C10orf90: variants seen among roughly 807,000 people sequenced by gnomAD.
The protein encoded by C10orf90 is chromosome 10 open reading frame 90, also known as (E2-independent) E3 ubiquitin-conjugating enzyme FATS.
In C10orf90, 56 loss-of-function variants were observed where a neutral mutation model predicts 62.5. That is an observed-to-expected ratio of 0.90 (90% CI 0.72 to 1.12). C10orf90 has a LOEUF of 1.12. Ranked by LOEUF, C10orf90 falls within the 50% of genes most tolerant of loss-of-function variation. The pLI, the probability that C10orf90 is intolerant of heterozygous loss-of-function variation, is 0.00. For missense variants in C10orf90, 970 were observed against 880.4 expected (o/e 1.10, Z -1.29); for synonymous variants, 386 against 340.4 (o/e 1.13, Z -1.47).
Position 126,504,190 on chromosome 10 carries a change from G to A in C10orf90, c.1301C>T (p.Pro434Leu), listed in dbSNP as rs1862570554. Residue 434 changes from proline to leucine, a missense_variant, in exon 4 of 10, where the codon CCA (proline) becomes CTA (leucine). Coordinates refer to ENST00000488181, the MANE Select transcript of C10orf90 (RefSeq NM_001350921.2). This position sits in a 1 kb window ranked among gnomAD's most constrained non-coding sequence, Gnocchi z 4.1. Reference sequence around the variant, plus strand: ...CTTCAAGTGACTTTCTTGTAAACCTGGGTTCCAGCGCTGGCCTACGAGGTC... The same window carrying A: ...CTTCAAGTGACTTTCTTGTAAACCTAGGTTCCAGCGCTGGCCTACGAGGTC... ...DQDLVGQRWNPGLQESHLKET... is the reference protein window; with the variant it reads ...DQDLVGQRWNLGLQESHLKET... 1.2e-6 allele frequency: 2 copies of A among 1,614,108 alleles called. No homozygotes were observed. The highest frequency in any genetic ancestry group is 3.3e-5 in the Admixed American group (2 of 60,014).
chr10:126,459,917 A>G (rs551685022), intron 6 of C10orf90, among the ~76,000 whole-genome samples: 36 of 152,314 alleles, frequency 2.4e-4, no homozygotes, highest in African/African-American at 7.5e-4. Flanking sequence ...TAGGTGCTTG[A>G]TGTGTATTCA....
intron 4 of C10orf90, among the ~76,000 whole-genome samples, chr10:126,496,993 C>A (rs998798667): frequency 5.9e-5 from 9 of 152,226 alleles, no homozygotes; most frequent in Non-Finnish European, 1.5e-5. Context: ...TATTAAAAGG[C>A]TGCTACCTGC....
intron 4 of C10orf90, chr10:126,496,527 T>C (rs1862064202): frequency 1.7e-5 from 6 of 343,532 alleles, no homozygotes; most frequent in Non-Finnish European, 2.5e-5. Context: ...AGTTGTTCCT[T>C]GACAATACTT....
intron 2 of C10orf90, among the ~76,000 whole-genome samples, chr10:126,583,190 AG>A (rs1340469080): frequency 2.0e-5 from 3 of 152,266 alleles, no homozygotes; most frequent in African/African-American, 7.2e-5. Flanking sequence ...TAGAAACAAT[AG>A]GCCACTTTGC....
chr10:126,431,442 C>T (rs568992215), intron 7 of C10orf90, among the ~76,000 whole-genome samples: 14 of 152,306 alleles, frequency 9.2e-5, no homozygotes, highest in South Asian at 2.1e-4. Context: ...CAGTATCCAG[C>T]GGTCCCTGCT....
chr10:126,524,735 C>G (rs902884761), intron 2 of C10orf90: 3 of 985,390 alleles, frequency 3.0e-6, no homozygotes, highest in African/African-American at 1.7e-5. Context: ...GTGCACGCAC[C>G]TGTATGGCCC....
chr10:126,536,351 G>A (rs1380434148), intron 2 of C10orf90, among the ~76,000 whole-genome samples: 3 of 152,186 alleles, frequency 2.0e-5, no homozygotes, highest in African/African-American at 7.2e-5. Context: ...GCAATTAGCT[G>A]GAGCTTGGCG....
intron 1 of C10orf90, among the ~76,000 whole-genome samples, chr10:126,661,293 T>C (rs1281133748): frequency 6.6e-6 from 1 of 152,214 alleles, no homozygotes; most frequent in Admixed American, 6.5e-5. Context: ...ACAGCCTCCA[T>C]GCCAATTCCA....
At chr10:126,460,418 C>T (rs1276102331) in intron 6 of C10orf90, among the ~76,000 whole-genome samples, 1 of 152,238 alleles carries the variant, frequency 6.6e-6, no homozygotes, top group Non-Finnish European at 1.5e-5. Context: ...CTTGGGAGCT[C>T]AGAGTGCCCA....
At chr10:126,485,438 C>A (rs933476989) in intron 4 of C10orf90, among the ~76,000 whole-genome samples, 2 of 152,096 alleles carry the variant, frequency 1.3e-5, no homozygotes, top group Admixed American at 1.3e-4. Flanking sequence ...AGAGGCACAC[C>A]ATCTTTATAT....
At chr10:126,640,862 TG>T (rs1466191384) in intron 2 of C10orf90, among the ~76,000 whole-genome samples, 1 of 152,226 alleles carries the variant, frequency 6.6e-6, no homozygotes, top group Non-Finnish European at 1.5e-5. Flanking sequence ...TTTTGTCCTC[TG>T]GGGACTGATG....
chr10:126,643,164 A>G (rs1369171936), intron 2 of C10orf90, among the ~76,000 whole-genome samples: 6 of 152,226 alleles, frequency 3.9e-5, no homozygotes, highest in Non-Finnish European at 8.8e-5. Flanking sequence ...ATACAGATTA[A>G]AAATAGGTGA....
intron 3 of C10orf90, among the ~76,000 whole-genome samples, chr10:126,513,067 G>A (rs12573737): frequency 0.12 from 17,738 of 152,244 alleles, 1,190 homozygotes; most frequent in South Asian, 0.27. Flanking sequence ...TTTGGCGGCA[G>A]AATCTCCATC....
chr10:126,663,134 A>T (rs143956770), intron 1 of C10orf90, among the ~76,000 whole-genome samples: 2 of 152,342 alleles, frequency 1.3e-5, no homozygotes, highest in South Asian at 2.1e-4. Context: ...GTAAGAACAC[A>T]TGTGGTCCTC....
chr10:126,589,894 GAC>G (rs1844945545), intron 2 of C10orf90, among the ~76,000 whole-genome samples: 1 of 152,076 alleles, frequency 6.6e-6, no homozygotes, highest in Non-Finnish European at 1.5e-5. Context: ...CTCCAATTAA[GAC>G]ACAGAATGGC....
intron 2 of C10orf90, among the ~76,000 whole-genome samples, chr10:126,537,005 A>G (rs1053933425): frequency 6.6e-6 from 1 of 152,220 alleles, no homozygotes; most frequent in Non-Finnish European, 1.5e-5. Flanking sequence ...CTTTTCCAAC[A>G]AAAGATAACA....
chr10:126,648,164 G>GTT (rs142360604), intron 1 of C10orf90, among the ~76,000 whole-genome samples: 2 of 148,902 alleles, frequency 1.3e-5, no homozygotes, highest in African/African-American at 2.5e-5. Context: ...TGCCATGTTT[G>GTT]TTTTTTTTTT....
intron 2 of C10orf90, among the ~76,000 whole-genome samples, chr10:126,554,340 G>A (rs1188459433): frequency 1.3e-5 from 2 of 152,136 alleles, no homozygotes; most frequent in Non-Finnish European, 2.9e-5. Flanking sequence ...GTAGAAGTAG[G>A]AATAGTGCTT....
chr10:126,485,010 G>A (rs545948741), intron 4 of C10orf90, among the ~76,000 whole-genome samples: 2 of 152,266 alleles, frequency 1.3e-5, no homozygotes, highest in South Asian at 4.2e-4. Flanking sequence ...GAATAGACAT[G>A]GTACAATGGA....
Sources: allele counts gnomAD v4.1 joint callset (sites outside exome capture counted in the v4.1 genomes callset), GRCh38; gene constraint gnomAD v4.1.1; non-coding constraint Gnocchi (gnomAD v3.1); transcripts MANE v1.5; gene names NCBI Gene and HGNC (gene_info 2026-07-23, HGNC 2026-07-21).